PTPRG: variants seen among roughly 807,000 people sequenced by gnomAD.
PTPRG encodes protein tyrosine phosphatase receptor type G.
In PTPRG, 102 loss-of-function variants were observed where a neutral mutation model predicts 165.3. The ratio of observed to expected loss-of-function variants is 0.62; its 90% CI spans 0.53 to 0.73. PTPRG has a LOEUF of 0.73. Ranked by LOEUF, PTPRG falls within the 30% of genes least tolerant of loss-of-function variation. The pLI is 0.00. For synonymous variants in PTPRG, 675 were observed against 669.5 expected (o/e 1.01, Z -0.13); for missense variants, 1,866 against 1,861.4 (o/e 1.00, Z -0.05).
chr3:62,072,448 C>T (rs1701238958), intron 4 of PTPRG, among the ~76,000 whole-genome samples: 1 of 152,110 alleles, frequency 6.6e-6, no homozygotes, highest in African/African-American at 2.4e-5. Flanking sequence ...CAAGACATTC[C>T]ACAAGGCAGA....
At chr3:62,104,258 G>A (rs951866496) in intron 5 of PTPRG, among the ~76,000 whole-genome samples, 2 of 152,126 alleles carry the variant, frequency 1.3e-5, no homozygotes, top group Admixed American at 1.3e-4. Flanking sequence ...ACAGTGTCAT[G>A]GTGAAATGAT....
At position 61,592,783 on chromosome 3, in the gene PTPRG, C is replaced by T. The variant is rs140836675; in HGVS notation, c.85+30411C>T. On this transcript the variant is annotated intron_variant, in intron 1 of 29. Transcript: ENST00000474889. ...GCAGTCCCACAAGTTTGTGTTCCACCGGTTGAATAGCCCTGTTAGGAAGAC... is the reference window on the plus strand; with the variant it reads ...GCAGTCCCACAAGTTTGTGTTCCACTGGTTGAATAGCCCTGTTAGGAAGAC... Among the ~76,000 whole-genome samples the T allele has an allele frequency of 1.9e-3, 292 of 152,044 alleles. 3 individuals carry two copies. Among genetic ancestry groups the T allele is most frequent in the African/African-American group, 6.5e-3 (269 of 41,450 alleles).
At chr3:62,121,094 A>G (rs7648798) in intron 5 of PTPRG, among the ~76,000 whole-genome samples, 147,054 of 150,472 alleles carry the variant, frequency 0.98, 71,947 homozygotes, top group East Asian at 1. Flanking sequence ...ACAGGCGCCC[A>G]CCACTAGCCT....
intron 2 of PTPRG, among the ~76,000 whole-genome samples, chr3:61,947,615 T>A (rs1338353904): frequency 6.6e-6 from 1 of 152,156 alleles, no homozygotes; most frequent in Non-Finnish European, 1.5e-5. Context: ...TTGACTGAAG[T>A]AACTGAAAAG....
At chr3:61,788,610 G>A (rs540093692) in intron 2 of PTPRG, among the ~76,000 whole-genome samples, 1 of 152,270 alleles carries the variant, frequency 6.6e-6, no homozygotes, top group Non-Finnish European at 1.5e-5. Flanking sequence ...AATAAAGATT[G>A]TTTCTTTTTC....
intron 2 of PTPRG, among the ~76,000 whole-genome samples, chr3:61,951,681 C>T (rs1043249159): frequency 6.6e-6 from 1 of 152,132 alleles, no homozygotes; most frequent in Non-Finnish European, 1.5e-5. Context: ...GGGGAATGTG[C>T]AAGGGTTTCT....
chr3:61,766,549 A>G (rs1287078841), intron 2 of PTPRG, among the ~76,000 whole-genome samples: 1 of 152,106 alleles, frequency 6.6e-6, no homozygotes, highest in Non-Finnish European at 1.5e-5. Flanking sequence ...AGTAGACTGC[A>G]TTATAGAAAG....
intron 2 of PTPRG, chr3:61,770,602 A>G (rs1350459896): frequency 6.6e-6 from 1 of 152,102 alleles, no homozygotes; most frequent in Non-Finnish European, 1.5e-5. Flanking sequence ...CATTTAATCT[A>G]GTTTCATTTG....
intron 2 of PTPRG, among the ~76,000 whole-genome samples, chr3:61,762,216 T>C (rs543520828): frequency 1.3e-5 from 2 of 152,314 alleles, no homozygotes; most frequent in South Asian, 2.1e-4. Flanking sequence ...TACATTCTTA[T>C]ACCATTTCCT....
chr3:61,881,170 A>C lies in PTPRG; in HGVS notation c.191-108455A>C, dbSNP rs182316197. On this transcript the variant is annotated intron_variant, in intron 2 of 29. Coordinates refer to ENST00000474889, the MANE Select transcript of PTPRG (RefSeq NM_002841.4). ...TACTTTATAACAAAGTGAGGTTTAC[A>C]AGGGGCTTGCTCTCTAAAAACAGCC... is the stretch of plus-strand genomic sequence containing the variant. Among the ~76,000 whole-genome samples the C allele has an allele frequency of 3.5e-3, 540 of 152,244 alleles. 4 individuals are homozygous for C. Among genetic ancestry groups the C allele is most frequent in the African/African-American group, 0.013 (522 of 41,524 alleles).
At chr3:62,204,005 T>G (rs1700162353) in intron 12 of PTPRG, 55 bp downstream of exon 12, 1 of 1,490,828 alleles carries the variant, frequency 6.7e-7, no homozygotes, top group African/African-American at 1.4e-5. Flanking sequence ...AGTCGTACCC[T>G]TTTTCAAAAA....
intron 1 of PTPRG, among the ~76,000 whole-genome samples, chr3:61,708,236 CTA>C (rs896528460): frequency 1.4e-4 from 21 of 152,086 alleles, no homozygotes; most frequent in Non-Finnish European, 2.4e-4. Context: ...TATTGAGTCA[CTA>C]TGTCAGGGCA....
At chr3:61,637,834 C>T (rs1009621087) in intron 1 of PTPRG, among the ~76,000 whole-genome samples, 1 of 152,138 alleles carries the variant, frequency 6.6e-6, no homozygotes, top group Non-Finnish European at 1.5e-5. Flanking sequence ...CCAGCCCAGC[C>T]CTTTGAGAAC....
intron 1 of PTPRG, among the ~76,000 whole-genome samples, chr3:61,653,386 C>T (rs2106993027): frequency 6.6e-6 from 1 of 152,138 alleles, no homozygotes; most frequent in Middle Eastern, 3.4e-3. Context: ...TCATTTTTAG[C>T]AGCTGCAATA....
chr3:61,769,356 G>A (rs557170748), intron 2 of PTPRG: 1 of 152,220 alleles, frequency 6.6e-6, no homozygotes, highest in East Asian at 1.9e-4. Context: ...GCCCACTAAA[G>A]CCTTGACCTC....
intron 4 of PTPRG, among the ~76,000 whole-genome samples, chr3:62,029,840 T>C (rs144827670): frequency 1.6e-3 from 238 of 152,376 alleles, no homozygotes; most frequent in African/African-American, 5.6e-3. Context: ...TTATGAATAA[T>C]ATGCAAGAGT....
intron 1 of PTPRG, among the ~76,000 whole-genome samples, chr3:61,661,493 C>G (rs568881675): frequency 3.3e-5 from 5 of 151,996 alleles, no homozygotes; most frequent in African/African-American, 1.2e-4. Context: ...AGCATTTATG[C>G]CACTGAATGT....
intron 2 of PTPRG, among the ~76,000 whole-genome samples, chr3:61,951,676 A>C (rs1308520709): frequency 2.6e-5 from 4 of 152,092 alleles, no homozygotes; most frequent in African/African-American, 7.2e-5. Context: ...TTTTTGGGGA[A>C]TGTGCAAGGG....
intron 1 of PTPRG, among the ~76,000 whole-genome samples, chr3:61,668,379 C>G (rs1702867849): frequency 6.6e-6 from 1 of 152,074 alleles, no homozygotes; most frequent in Non-Finnish European, 1.5e-5. Context: ...TGTGAACTCT[C>G]TATAGTACTC....
Sources: gnomAD v4.1 joint callset for allele counts (sites outside exome capture counted in the v4.1 genomes callset) on GRCh38, gnomAD v4.1.1 for gene constraint, MANE v1.5 for transcripts, NCBI Gene and HGNC (gene_info 2026-07-23, HGNC 2026-07-21) for gene names.